Variants in ZNF407 observed in about 807,000 individuals in gnomAD.
The protein encoded by ZNF407 is zinc finger protein 407.
ZNF407 carries 17 observed loss-of-function variants against 131.2 expected under a neutral mutation model. The ratio of observed to expected loss-of-function variants is 0.13; its 90% CI spans 0.09 to 0.19. The LOEUF (loss-of-function observed/expected upper bound fraction) is 0.19. Ranked by LOEUF, ZNF407 falls within the 10% of genes least tolerant of loss-of-function variation. The pLI, the probability that ZNF407 is intolerant of heterozygous loss-of-function variation, is 1.00. For synonymous variants in ZNF407, 1,156 were observed against 1,062.0 expected, an observed-to-expected ratio of 1.09 and a Z score of -1.72; for missense variants, 2,681 against 2,830.6, an observed-to-expected ratio of 0.95 and a Z score of 1.20.
At chr18:74,852,164 TACACACACAC>T (rs10539805) in intron 4 of ZNF407, among the ~76,000 whole-genome samples, 181 of 149,664 alleles carry the variant, frequency 1.2e-3, no homozygotes, top group Middle Eastern at 0.01. Flanking sequence ...GGATGCATGC[TACACACACAC>T]ACACACACAC....
intron 3 of ZNF407, among the ~76,000 whole-genome samples, chr18:74,773,273 A>C (rs998139960): frequency 6.6e-6 from 1 of 152,170 alleles, no homozygotes; most frequent in Admixed American, 6.5e-5. Flanking sequence ...TATCAGTAGA[A>C]GCCAAGTTAT....
chr18:74,819,527 C>T (rs1970312396), intron 4 of ZNF407, among the ~76,000 whole-genome samples: 1 of 152,174 alleles, frequency 6.6e-6, no homozygotes, highest in Admixed American at 6.5e-5. Context: ...CTTTCCTGGG[C>T]AGAACTATTG....
Position 74,654,075 on chromosome 18 carries a change from T to G in ZNF407, c.4802+12953T>G, listed in dbSNP as rs531736264. ...TCGTTGCATTGACAATCGTAGGTCT[T>G]GATAATTCAAGGAATAATTCTGCTG... is the stretch of plus-strand genomic sequence containing the variant. On this transcript the variant is annotated intron_variant, in intron 3 of 8. Coordinates refer to ENST00000299687, the MANE Select transcript of ZNF407 (RefSeq NM_017757.3). Among the ~76,000 whole-genome samples, 179 of 151,948 alleles carry G rather than the reference T, an allele frequency of 1.2e-3. 1 individual carries two copies. The highest frequency in any genetic ancestry group is 0.011 in the Admixed American group (164 of 15,246).
intron 8 of ZNF407, among the ~76,000 whole-genome samples, chr18:75,040,591 A>G (rs1327995381): frequency 1.3e-5 from 2 of 152,186 alleles, no homozygotes; most frequent in Non-Finnish European, 2.9e-5. Context: ...TAATCAAACC[A>G]TTAGGCATTC....
chr18:75,049,597 C>T lies in ZNF407; in HGVS notation c.5429-13553C>T, dbSNP rs764450960. ...TAGGAGTCTCAATGCTAAGGCATCGCGTTTCAGTTTCTGAATCAGTGTGAT... is the reference window on the plus strand; with the variant it reads ...TAGGAGTCTCAATGCTAAGGCATCGTGTTTCAGTTTCTGAATCAGTGTGAT... On this transcript the variant is annotated intron_variant, in intron 8 of 8. Transcript: ENST00000299687. 3.3e-5 allele frequency among the ~76,000 whole-genome samples: 5 copies of T among 152,086 alleles called. No individual in the cohort carries two copies. The South Asian group carries it at 6.2e-4, about 19-fold the overall frequency.
intron 3 of ZNF407, 83 bp from the exon 4 acceptor site, chr18:74,781,345 A>T (rs1409468742): frequency 1.1e-6 from 1 of 951,420 alleles, no homozygotes. Context: ...TTGCATATAT[A>T]TATTATTCTT....
intron 2 of ZNF407, among the ~76,000 whole-genome samples, chr18:74,638,644 G>A (rs887416962): frequency 2.0e-5 from 3 of 152,294 alleles, no homozygotes; most frequent in Non-Finnish European, 2.9e-5. Context: ...GTACCACAAA[G>A]ATAGAGAGCC....
intron 3 of ZNF407, among the ~76,000 whole-genome samples, chr18:74,690,364 A>G (rs1460001292): frequency 1.3e-5 from 2 of 152,162 alleles, no homozygotes; most frequent in Non-Finnish European, 2.9e-5. Context: ...AACACAATTA[A>G]CAGAACCTAC....
At chr18:74,670,127 C>T (rs1018447040) in intron 3 of ZNF407, among the ~76,000 whole-genome samples, 10 of 152,164 alleles carry the variant, frequency 6.6e-5, no homozygotes, top group South Asian at 4.1e-4. Flanking sequence ...GTCTGATCAC[C>T]GTGCCAGGCA....
chr18:74,842,505 G>A (rs1004255244), intron 4 of ZNF407, among the ~76,000 whole-genome samples: 1 of 151,960 alleles, frequency 6.6e-6, no homozygotes, highest in African/African-American at 2.4e-5. Context: ...TTTCAGCTGC[G>A]TTTCCTTCTA....
At chr18:75,038,722 C>T (rs371526185) in intron 8 of ZNF407, among the ~76,000 whole-genome samples, 2 of 152,256 alleles carry the variant, frequency 1.3e-5, no homozygotes, top group Admixed American at 6.5e-5. Flanking sequence ...TTCAGGGGTT[C>T]GCTTAGAAAC....
At chr18:74,829,880 A>G (rs1231463177) in intron 4 of ZNF407, among the ~76,000 whole-genome samples, 1 of 151,858 alleles carries the variant, frequency 6.6e-6, no homozygotes, top group Non-Finnish European at 1.5e-5. Flanking sequence ...TTATGGACTC[A>G]GTTGTTTCTC....
intron 4 of ZNF407, among the ~76,000 whole-genome samples, chr18:74,789,096 A>T (rs921685686): frequency 6.6e-6 from 1 of 152,180 alleles, no homozygotes; most frequent in African/African-American, 2.4e-5. Flanking sequence ...CTTCGGGTTG[A>T]TGTCACAGGT....
chr18:74,916,210 A>G (rs866558720), intron 7 of ZNF407, among the ~76,000 whole-genome samples: 314 of 40,708 alleles, frequency 7.7e-3, no homozygotes, highest in Non-Finnish European at 8.8e-3. Context: ...GTGTGTGTGT[A>G]TGTGTGTGTG....
At chr18:74,959,924 C>CA (rs1972319497) in intron 8 of ZNF407, among the ~76,000 whole-genome samples, 1 of 152,154 alleles carries the variant, frequency 6.6e-6, no homozygotes, top group South Asian at 2.1e-4. Context: ...GAGTTGCATC[C>CA]AACAGTGTGG....
At chr18:74,628,443 A>G (rs1470886667) in intron 1 of ZNF407, among the ~76,000 whole-genome samples, 2 of 152,090 alleles carry the variant, frequency 1.3e-5, no homozygotes, top group Non-Finnish European at 2.9e-5. Flanking sequence ...AGGGCTGCCT[A>G]TTTTTCTGTC....
At chr18:74,670,936 G>C (rs1308586954) in intron 3 of ZNF407, among the ~76,000 whole-genome samples, 1 of 152,236 alleles carries the variant, frequency 6.6e-6, no homozygotes, top group Non-Finnish European at 1.5e-5. Context: ...AGCTTGCTGG[G>C]ATTACAGGCG....
intron 8 of ZNF407, among the ~76,000 whole-genome samples, chr18:74,932,705 G>A (rs928195574): frequency 1.3e-5 from 2 of 152,156 alleles, no homozygotes; most frequent in African/African-American, 4.8e-5. Flanking sequence ...ATAAGAAAAT[G>A]TGTTCACTTT....
At chr18:74,925,175 C>T (rs1321555076) in intron 8 of ZNF407, among the ~76,000 whole-genome samples, 1 of 152,110 alleles carries the variant, frequency 6.6e-6, no homozygotes, top group Non-Finnish European at 1.5e-5. Flanking sequence ...TTATTTTCAT[C>T]AGTTTTTACA....
Sources: gnomAD v4.1 joint callset for allele counts (sites outside exome capture counted in the v4.1 genomes callset) on GRCh38, gnomAD v4.1.1 for gene constraint, MANE v1.5 for transcripts, NCBI Gene and HGNC (gene_info 2026-07-23, HGNC 2026-07-21) for gene names.